COL23A1: variants seen among roughly 807,000 people sequenced by gnomAD.
COL23A1 encodes collagen type XXIII alpha 1 chain, also known as collagen alpha-1(XXIII) chain.
A neutral mutation model predicts 99.3 loss-of-function variants in COL23A1; 97 were observed. The observed-to-expected ratio is 0.98, with a 90% CI of 0.83 to 1.16. COL23A1 has a LOEUF of 1.16. COL23A1 is among the 50% of genes most tolerant of loss of function. COL23A1 has a pLI of 0.00. For missense variants in COL23A1, 762 were observed against 757.4 expected (o/e 1.01, Z -0.07); for synonymous variants, 320 against 308.2 (o/e 1.04, Z -0.40).
intron 2 of COL23A1, among the ~76,000 whole-genome samples, chr5:178,518,232 G>A (rs1218679497): frequency 6.9e-6 from 1 of 144,896 alleles, no homozygotes; most frequent in African/African-American, 2.6e-5. Context: ...CAGATCAACA[G>A]GATCCCAAGG....
At chr5:178,355,615 C>T (rs995227928) in intron 2 of COL23A1, among the ~76,000 whole-genome samples, 5 of 152,034 alleles carry the variant, frequency 3.3e-5, no homozygotes, top group East Asian at 1.9e-4. Flanking sequence ...TCACTGCAAC[C>T]GCCGCCTCCT....
At chr5:178,363,066 A>G in intron 2 of COL23A1, among the ~76,000 whole-genome samples, 1 of 142,302 alleles carries the variant, frequency 7.0e-6, no homozygotes, top group Non-Finnish European at 1.5e-5. Flanking sequence ...GCAACCCCAC[A>G]TATTTTGTTT....
At position 178,281,498 on chromosome 5, in the gene COL23A1, G is replaced by A. The variant is rs189975356; in HGVS notation, c.441+6826C>T. Among the ~76,000 whole-genome samples, 103 of 152,240 alleles carry A rather than the reference G, an allele frequency of 6.8e-4. No individual in the cohort carries two copies. The South Asian group carries it at 0.011, about 16-fold the overall frequency. On this transcript the variant is annotated intron_variant, in intron 5 of 28. Transcript: ENST00000390654. The surrounding 1 kb of genome is among the most constrained non-coding windows in gnomAD (Gnocchi z 4.0). The stretch of plus-strand genomic sequence containing the variant: ...AGGCCGGAGATGAAGTGCAGTCACC[G>A]CTCCCTCGACTCCAGAGGGGCTTGG...
At chr5:178,332,248 C>G (rs1278987877) in intron 2 of COL23A1, among the ~76,000 whole-genome samples, 2 of 152,196 alleles carry the variant, frequency 1.3e-5, no homozygotes, top group Admixed American at 1.3e-4. Flanking sequence ...CAAGCCCCAC[C>G]TTCCAGCACT....
chr5:178,330,191 G>C (rs1013353830), intron 2 of COL23A1, among the ~76,000 whole-genome samples: 1 of 152,192 alleles, frequency 6.6e-6, no homozygotes. Context: ...GCAGAAGAAG[G>C]GCCTAGGGTC....
chr5:178,584,308 CCACACACACACACACA>C (rs4045513), intron 1 of COL23A1, among the ~76,000 whole-genome samples: 1 of 145,036 alleles, frequency 6.9e-6, no homozygotes, highest in East Asian at 2.0e-4. Context: ...CTGCACCTGG[CCACACACACACACACA>C]CACACACACA....
At chr5:178,300,269 T>C (rs1341339550) in intron 3 of COL23A1, among the ~76,000 whole-genome samples, 1 of 151,056 alleles carries the variant, frequency 6.6e-6, no homozygotes, top group East Asian at 2.0e-4. Context: ...GTAGAGACCA[T>C]CTTGGCCGGG....
chr5:178,556,205 G>A (rs927182611), intron 2 of COL23A1, among the ~76,000 whole-genome samples: 36 of 152,136 alleles, frequency 2.4e-4, no homozygotes, highest in African/African-American at 7.7e-4. Flanking sequence ...ATACACAGAC[G>A]GGCACAGACC....
At chr5:178,537,262 GC>G (rs1211271682) in intron 2 of COL23A1, among the ~76,000 whole-genome samples, 5 of 146,718 alleles carry the variant, frequency 3.4e-5, no homozygotes, top group Non-Finnish European at 6.2e-5. Context: ...TTCCTGCGAG[GC>G]CCCCTCCCTG....
intron 25 of COL23A1, among the ~76,000 whole-genome samples, chr5:178,245,345 A>C (rs77575407): frequency 2.8e-4 from 38 of 134,216 alleles, no homozygotes; most frequent in Admixed American, 8.2e-4. Flanking sequence ...TCCATCCATC[A>C]TTCATCTATT....
chr5:178,514,729 A>C (rs1267073503), intron 2 of COL23A1, among the ~76,000 whole-genome samples: 1 of 152,196 alleles, frequency 6.6e-6, no homozygotes, highest in African/African-American at 2.4e-5. Flanking sequence ...AGAAAAATCT[A>C]AATTTGTAAC....
chr5:178,294,286 G>C (rs1247907924), intron 3 of COL23A1, among the ~76,000 whole-genome samples: 14 of 106,178 alleles, frequency 1.3e-4, no homozygotes, highest in South Asian at 3.5e-4. Flanking sequence ...AATCACTACC[G>C]AGCTCCCTCC....
intron 2 of COL23A1, among the ~76,000 whole-genome samples, chr5:178,381,314 G>A (rs1209882192): frequency 3.3e-5 from 5 of 152,278 alleles, no homozygotes; most frequent in East Asian, 1.9e-4. Context: ...GGACCCTGCC[G>A]GCTCCCCTAC....
chr5:178,529,395 G>A (rs977741163), intron 2 of COL23A1, among the ~76,000 whole-genome samples: 3 of 152,196 alleles, frequency 2.0e-5, no homozygotes, highest in African/African-American at 4.8e-5. Context: ...GGAACTGCAC[G>A]TGGCGTGACC....
intron 25 of COL23A1, among the ~76,000 whole-genome samples, chr5:178,244,384 T>C (rs973571788): frequency 6.6e-6 from 1 of 152,224 alleles, no homozygotes; most frequent in African/African-American, 2.4e-5. Context: ...CTGATTTTCC[T>C]GAGAACAACC....
intron 2 of COL23A1, among the ~76,000 whole-genome samples, chr5:178,450,290 T>C (rs1221091189): frequency 6.6e-6 from 1 of 152,216 alleles, no homozygotes; most frequent in Non-Finnish European, 1.5e-5. Context: ...AGAAAAACGT[T>C]AGGATGGCAT....
At chr5:178,286,078 C>T (rs560916453) in intron 5 of COL23A1, among the ~76,000 whole-genome samples, 4 of 152,302 alleles carry the variant, frequency 2.6e-5, no homozygotes, top group East Asian at 1.9e-4. Flanking sequence ...CCAGGGAAGA[C>T]GCCTACCTCC....
At chr5:178,376,072 C>A (rs541507511) in intron 2 of COL23A1, among the ~76,000 whole-genome samples, 3 of 152,164 alleles carry the variant, frequency 2.0e-5, no homozygotes, top group Non-Finnish European at 4.4e-5. Flanking sequence ...GACCCCTGGC[C>A]CTGCCTCCCT....
In COL23A1 at chr5:178,544,917, C is replaced by A. The variant is rs576788251; in HGVS notation, c.361+15765G>T. 4.7e-4 allele frequency among the ~76,000 whole-genome samples: 71 copies of A among 151,924 alleles called. No individual in the cohort carries two copies. Among genetic ancestry groups the A allele is most frequent in the East Asian group, 4.3e-3 (22 of 5,152 alleles). On this transcript the variant is annotated intron_variant, in intron 2 of 28. Coordinates refer to ENST00000390654, the MANE Select transcript of COL23A1 (RefSeq NM_173465.4). This position sits in a 1 kb window ranked among gnomAD's most constrained non-coding sequence, Gnocchi z 4.4. Reference sequence around the variant, plus strand: ...AACCCCGTCTCTAGAACAACAACAACAAAAAAAGAAAAATTAACAAAATTT... The same window carrying A: ...AACCCCGTCTCTAGAACAACAACAAAAAAAAAAGAAAAATTAACAAAATTT...
Sources: allele counts gnomAD v4.1 joint callset (sites outside exome capture counted in the v4.1 genomes callset), GRCh38; gene constraint gnomAD v4.1.1; non-coding constraint Gnocchi (gnomAD v3.1); transcripts MANE v1.5; gene names NCBI Gene and HGNC (gene_info 2026-07-23, HGNC 2026-07-21).